Variants in SUSD6 observed in about 807,000 individuals in gnomAD.
SUSD6 encodes sushi domain containing 6.
In SUSD6, 16 loss-of-function variants were observed where a neutral mutation model predicts 28.4. The ratio of observed to expected loss-of-function variants is 0.56; its 90% CI spans 0.38 to 0.86. SUSD6 has a LOEUF of 0.86. Among genes scored for constraint, SUSD6 ranks in the 40% least tolerant of loss-of-function variants. The pLI, the probability that SUSD6 is intolerant of heterozygous loss-of-function variation, is 0.00. For missense variants in SUSD6, 341 were observed against 384.2 expected (o/e 0.89, Z 0.94); for synonymous variants, 147 against 159.6 (o/e 0.92, Z 0.59).
At chr14:69,616,209 G>A (rs1284900447) in intron 1 of SUSD6, among the ~76,000 whole-genome samples, 1 of 152,094 alleles carries the variant, frequency 6.6e-6, no homozygotes, top group Admixed American at 6.5e-5. Flanking sequence ...GTTGGAGATT[G>A]GATACAAAAC....
chr14:69,709,726 C>T (rs1288247924), intron 5 of SUSD6, among the ~76,000 whole-genome samples: 2 of 152,208 alleles, frequency 1.3e-5, no homozygotes, highest in Non-Finnish European at 1.5e-5. Flanking sequence ...GCTCTAGCGC[C>T]CTTGTGGCAA....
chr14:69,656,141 C>T (rs140919513), intron 1 of SUSD6, among the ~76,000 whole-genome samples: 1 of 150,884 alleles, frequency 6.6e-6, no homozygotes, highest in Non-Finnish European at 1.5e-5. Flanking sequence ...TTCTTCCCTC[C>T]CTCCGTCTTC....
Position 69,703,400 on chromosome 14 carries a change from C to T in SUSD6, c.127C>T (p.Pro43Ser). 6.2e-7 allele frequency: 1 copy of T among 1,613,336 alleles called. No homozygotes were observed. Among genetic ancestry groups the T allele is most frequent in the Non-Finnish European group, 8.5e-7 (1 of 1,179,674 alleles). The change falls in exon 3 of 6, where the codon CCC becomes TCC. Residue 43 changes from proline to serine, a missense_variant. Physicochemically the swap from Pro to Ser is moderately conservative, Grantham distance 74. Transcript: ENST00000342745. ...CTCTCTCCCTGTCTTTGCAGTGTGCCCCCTACCACCGGAGCCAGAGAATGG... is the reference window on the plus strand; with the variant it reads ...CTCTCTCCCTGTCTTTGCAGTGTGCTCCCTACCACCGGAGCCAGAGAATGG... ...LLGDGLASVCPLPPEPENGGY... is the reference protein window; with the variant it reads ...LLGDGLASVCSLPPEPENGGY...
chr14:69,642,521 C>T (rs188123764), intron 1 of SUSD6, among the ~76,000 whole-genome samples: 19 of 152,158 alleles, frequency 1.2e-4, no homozygotes, highest in Admixed American at 4.6e-4. Flanking sequence ...TACATGGTGG[C>T]GGCAAGAGAA....
chr14:69,694,436 C>T (rs72723899), intron 2 of SUSD6, among the ~76,000 whole-genome samples: 18,510 of 152,226 alleles, frequency 0.12, 1,480 homozygotes, highest in Non-Finnish European at 0.17. Context: ...TGTGCAACCC[C>T]AGGCCGTGAA....
intron 2 of SUSD6, among the ~76,000 whole-genome samples, chr14:69,669,043 A>AT (rs1181954177): frequency 1.5e-5 from 2 of 131,842 alleles, no homozygotes; most frequent in Non-Finnish European, 3.2e-5. Context: ...AGTCTCAAGT[A>AT]TTTTTTTTCT....
intron 1 of SUSD6, among the ~76,000 whole-genome samples, chr14:69,641,791 G>A (rs1009821175): frequency 1.5e-5 from 2 of 129,848 alleles, no homozygotes; most frequent in Admixed American, 7.2e-5. Flanking sequence ...GTAGAGAGGA[G>A]GGGGGGTCTC....
At chr14:69,623,878 C>A (rs766324451) in intron 1 of SUSD6, among the ~76,000 whole-genome samples, 7 of 152,038 alleles carry the variant, frequency 4.6e-5, no homozygotes, top group Non-Finnish European at 8.8e-5. Flanking sequence ...GGTGTTATTA[C>A]AAATGAGTCA....
intron 1 of SUSD6, among the ~76,000 whole-genome samples, chr14:69,624,191 T>C (rs894135430): frequency 1.3e-5 from 2 of 152,230 alleles, no homozygotes; most frequent in African/African-American, 4.8e-5. Flanking sequence ...ATTACCATCA[T>C]GTTAGAGTTG....
chr14:69,659,993 A>T (rs1885639594), intron 2 of SUSD6, among the ~76,000 whole-genome samples: 1 of 152,152 alleles, frequency 6.6e-6, no homozygotes, highest in Non-Finnish European at 1.5e-5. Flanking sequence ...TACACTCCAG[A>T]ATCATCATTG....
chr14:69,691,871 T>C (rs1264643304), intron 2 of SUSD6, among the ~76,000 whole-genome samples: 1 of 152,090 alleles, frequency 6.6e-6, no homozygotes, highest in Non-Finnish European at 1.5e-5. Flanking sequence ...GAAACCTGTC[T>C]CTACCGAAAA....
chr14:69,708,168 C>T (rs1886411227), intron 4 of SUSD6, among the ~76,000 whole-genome samples: 1 of 152,206 alleles, frequency 6.6e-6, no homozygotes, highest in Admixed American at 6.5e-5. Flanking sequence ...TTTTTAACAG[C>T]TTTATTGAGA....
intron 2 of SUSD6, among the ~76,000 whole-genome samples, chr14:69,664,627 C>T (rs955669910): frequency 3.9e-5 from 6 of 152,078 alleles, no homozygotes; most frequent in Admixed American, 2.0e-4. Context: ...AATTGTTGTG[C>T]CATGTTTAAA....
At chr14:69,625,990 C>T (rs1453896656) in intron 1 of SUSD6, among the ~76,000 whole-genome samples, 1 of 152,158 alleles carries the variant, frequency 6.6e-6, no homozygotes, top group African/African-American at 2.4e-5. Flanking sequence ...CATGGTGTTC[C>T]ACCTGCTCCC....
chr14:69,633,992 G>A (rs1033081379), intron 1 of SUSD6, among the ~76,000 whole-genome samples: 2 of 152,190 alleles, frequency 1.3e-5, no homozygotes, highest in African/African-American at 4.8e-5. Context: ...TAGGACTCTG[G>A]TGACCAAGAC....
intron 1 of SUSD6, among the ~76,000 whole-genome samples, chr14:69,622,889 C>G (rs1279943860): frequency 6.6e-6 from 1 of 152,168 alleles, no homozygotes; most frequent in African/African-American, 2.4e-5. Context: ...CCACAGCGTC[C>G]GGCCAAACTG....
intron 2 of SUSD6, among the ~76,000 whole-genome samples, chr14:69,666,617 TTTC>T (rs1885745829): frequency 6.6e-6 from 1 of 152,220 alleles, no homozygotes; most frequent in Non-Finnish European, 1.5e-5. Flanking sequence ...TATATTGGTA[TTTC>T]TTCTTTTAGG....
At chr14:69,675,041 C>G (rs1885887208) in intron 2 of SUSD6, among the ~76,000 whole-genome samples, 1 of 151,984 alleles carries the variant, frequency 6.6e-6, no homozygotes, top group African/African-American at 2.4e-5. Flanking sequence ...TCTCATTTCC[C>G]CCCCACCCCT....
intron 1 of SUSD6, among the ~76,000 whole-genome samples, chr14:69,615,366 T>C (rs759744802): frequency 6.6e-6 from 1 of 152,190 alleles, no homozygotes; most frequent in African/African-American, 2.4e-5. Context: ...TAAGTTTGTG[T>C]TTCTGTGTAA....
Sources: allele counts gnomAD v4.1 joint callset (sites outside exome capture counted in the v4.1 genomes callset), GRCh38; gene constraint gnomAD v4.1.1; transcripts MANE v1.5; gene names NCBI Gene and HGNC (gene_info 2026-07-23, HGNC 2026-07-21).